Variants in DIPK1C observed in about 807,000 individuals in gnomAD.
DIPK1C encodes the protein familial non-conventional Alzheimer's dementia.
In DIPK1C, 33 loss-of-function variants were observed where a neutral mutation model predicts 28.0. The observed-to-expected ratio is 1.18, with a 90% CI of 0.89 to 1.58. DIPK1C has a LOEUF of 1.58. DIPK1C is among the 40% of genes most tolerant of loss of function. The probability of loss-of-function intolerance (pLI) is 0.00; values close to 1 mark genes in which losing one functional copy is unlikely to be tolerated. For synonymous variants in DIPK1C, 255 were observed against 248.8 expected (o/e 1.02, Z -0.23); for missense variants, 569 against 568.5 (o/e 1.00, Z -0.01).
rs1321569313 is a variant in DIPK1C at position 74,441,980 on chromosome 18, C to T, written c.1013G>A (p.Gly338Glu). 4 of 1,614,146 alleles carry T rather than the reference C, an allele frequency of 2.5e-6. No individual in the cohort carries two copies. Among genetic ancestry groups the T allele is most frequent in the Non-Finnish European group, 1.7e-6 (2 of 1,180,002 alleles). The part of the protein sequence containing the change: ...SRCDLRVNKC[G>E]AQRVNNNLQV... ...CAGGTTGTTGTTTACGCGCTGCGCTCCGCATTTGTTGACTCGTAAATCACA... is the reference window on the plus strand; with the variant it reads ...CAGGTTGTTGTTTACGCGCTGCGCTTCGCATTTGTTGACTCGTAAATCACA... Residue 338 changes from glycine to glutamate, a missense_variant, in exon 3 of 4, where the codon GGA (glycine) becomes GAA (glutamate). Coordinates refer to ENST00000343998, the MANE Select transcript of DIPK1C (RefSeq NM_001044369.3).
At chr18:74,451,100 A>C (rs540668803) in intron 1 of DIPK1C, among the ~76,000 whole-genome samples, 1 of 152,288 alleles carries the variant, frequency 6.6e-6, no homozygotes, top group African/African-American at 2.4e-5. Context: ...GACGCCTCTG[A>C]GCTCAATTTT....
chr18:74,439,681 G>A (rs189536730), intron 3 of DIPK1C, among the ~76,000 whole-genome samples: 3 of 152,230 alleles, frequency 2.0e-5, no homozygotes, highest in African/African-American at 4.8e-5. Flanking sequence ...TTAGCTACAT[G>A]TGGTGGCACA....
chr18:74,457,036 C>T, intron 1 of DIPK1C, 26 bp downstream of exon 1: 1 of 1,406,156 alleles, frequency 7.1e-7, no homozygotes, highest in Non-Finnish European at 9.2e-7. Context: ...ACGCGCGGCG[C>T]GGGGCAGAGC....
Position 74,447,255 on chromosome 18 carries a change from GC to G in DIPK1C, c.226del (p.Ala76ProfsTer74), listed in dbSNP as rs1555698990. The G allele has an allele frequency of 6.5e-7, 1 of 1,543,514 alleles. No individual in the cohort carries two copies. The highest frequency in any genetic ancestry group is 8.7e-7 in the Non-Finnish European group (1 of 1,142,958). ...ACACAGGTCCTCGCAGAGGTCCCCG[GC>G]CAGCGTGCCGCCCTGGTAGTCCTGG... ...LCQDYQGGTL[A>X]GDLCEDLCVA... On this transcript the variant is annotated frameshift_variant, in exon 2 of 4. Transcript: ENST00000343998. LOFTEE classifies it high-confidence loss of function. The surrounding 1 kb of genome is among the most constrained non-coding windows in gnomAD (Gnocchi z 4.1).
intron 1 of DIPK1C, among the ~76,000 whole-genome samples, 152 bp downstream of exon 1, chr18:74,456,910 T>C (rs1986526420): frequency 6.6e-6 from 1 of 151,954 alleles, no homozygotes; most frequent in African/African-American, 2.4e-5. Flanking sequence ...GACCGGGGCG[T>C]GCGCCTCTGG....
intron 2 of DIPK1C, among the ~76,000 whole-genome samples, chr18:74,444,209 G>A (rs1004261094): frequency 7.2e-5 from 11 of 152,168 alleles, no homozygotes; most frequent in Non-Finnish European, 8.8e-5. Flanking sequence ...ACCAAAAACT[G>A]TGGCCCTGGA....
intron 3 of DIPK1C, among the ~76,000 whole-genome samples, chr18:74,438,066 A>G (rs1986038231): frequency 6.6e-6 from 1 of 152,222 alleles, no homozygotes; most frequent in South Asian, 2.1e-4. Flanking sequence ...TAGTTTTTGT[A>G]TATTTTGTAG....
chr18:74,447,076 C>T lies in DIPK1C; in HGVS notation c.406G>A (p.Gly136Arg), dbSNP rs1376807589. The T allele has an allele frequency of 4.5e-6, 7 of 1,550,332 alleles. No homozygotes were observed. The highest frequency in any genetic ancestry group is 5.2e-6 in the Non-Finnish European group (6 of 1,146,944). Reference protein sequence around the residue: ...PPLSLLEEEAGEGGQDMPEAE... With the variant: ...PPLSLLEEEAREGGQDMPEAE... ...TCGGGCATGTCCTGGCCACCCTCCCCTGCCTCCTCTTCCAACAGGCTGAGG... is the reference window on the plus strand; with the variant it reads ...TCGGGCATGTCCTGGCCACCCTCCCTTGCCTCCTCTTCCAACAGGCTGAGG... Residue 136 changes from glycine to arginine, a missense_variant, in exon 2 of 4, where the codon GGG becomes AGG. Physicochemically the swap from Gly to Arg is moderately radical, Grantham distance 125. Transcript: ENST00000343998. The surrounding 1 kb of genome is among the most constrained non-coding windows in gnomAD (Gnocchi z 4.1).
intron 1 of DIPK1C, among the ~76,000 whole-genome samples, chr18:74,450,782 G>T (rs757788238): frequency 1.3e-5 from 2 of 152,256 alleles, no homozygotes; most frequent in African/African-American, 2.4e-5. Context: ...CCAGGTTCCG[G>T]AGTTCACGGA....
chr18:74,458,254 C>T (rs1055016410), upstream of DIPK1C, among the ~76,000 whole-genome samples: 4 of 152,164 alleles, frequency 2.6e-5, no homozygotes, highest in Admixed American at 2.6e-4. Flanking sequence ...CTGTGAAAGC[C>T]GCCACGCCCG....
At chr18:74,454,270 G>T (rs1438149877) in intron 1 of DIPK1C, among the ~76,000 whole-genome samples, 1 of 152,216 alleles carries the variant, frequency 6.6e-6, no homozygotes, top group Non-Finnish European at 1.5e-5. Context: ...TGTCAGGGGG[G>T]TGTGGTTGGC....
At chr18:74,448,041 G>T (rs1271200552) in intron 1 of DIPK1C, among the ~76,000 whole-genome samples, 1 of 152,110 alleles carries the variant, frequency 6.6e-6, no homozygotes, top group Non-Finnish European at 1.5e-5. Context: ...AACCTCAGGA[G>T]GCCTTAAGAT....
Position 74,446,806 on chromosome 18 carries a change from C to G in DIPK1C, c.676G>C (p.Ala226Pro). The G allele has an allele frequency of 6.7e-7, 1 of 1,488,238 alleles. No homozygotes were observed. 92.2% of individuals were successfully genotyped at this position (1,488,238 alleles called of 1,614,324 possible). The change falls in exon 2 of 4, where the codon GCC (alanine) becomes CCC (proline). Residue 226 changes from alanine (A) to proline (P), a missense_variant. Transcript: ENST00000343998. ...CGHFYAVEFLAAGSPHHRALF... is the reference protein window; with the variant it reads ...CGHFYAVEFLPAGSPHHRALF... ...GCCCTGTGGTGGGGGCTGCCCGCGG[C>G]CAGGAACTCCACCGCGTAGAAGTGG...
the DIPK1C span, among the ~76,000 whole-genome samples, chr18:74,464,085 C>T: frequency 6.6e-6 from 1 of 152,198 alleles, no homozygotes; most frequent in Non-Finnish European, 1.5e-5. Flanking sequence ...TCCCTCACCC[C>T]CTTTAATCTC....
chr18:74,460,677 G>A (rs1160071175), upstream of DIPK1C, among the ~76,000 whole-genome samples: 6 of 152,212 alleles, frequency 3.9e-5, no homozygotes, highest in South Asian at 6.2e-4. Flanking sequence ...ATACAGCCTC[G>A]GCCATACTGA....
rs1986532587 is a variant in DIPK1C, at chr18:74,457,119, C to T, written c.141G>A (p.Pro47=). The T allele has an allele frequency of 4.1e-6, 6 of 1,463,008 alleles. No homozygotes were observed. Among genetic ancestry groups the T allele is most frequent in the Middle Eastern group, 2.4e-4 (1 of 4,224 alleles). 90.6% of individuals were successfully genotyped at this position (1,463,008 alleles called of 1,614,324 possible). The change falls in exon 1 of 4, where the codon CCG becomes CCA. Residue 47 remains proline, a synonymous_variant. Transcript: ENST00000343998. ...LAAALLLRAH[P]GVLSERCTDE... ...CGGTGCAGCGCTCGGAGAGGACACC[C>T]GGGTGCGCGCGGAGCAGCAGCGCGG...
intron 2 of DIPK1C, 39 bp downstream of exon 2, chr18:74,446,567 C>A: frequency 7.2e-7 from 1 of 1,398,430 alleles, no homozygotes; most frequent in Non-Finnish European, 9.3e-7. Flanking sequence ...CCGAGAGCTC[C>A]GTTCTCTGCA....
At chr18:74,458,466 C>A (rs140974354), upstream of DIPK1C, among the ~76,000 whole-genome samples, 458 of 152,122 alleles carry the variant, frequency 3.0e-3, 4 homozygotes, top group African/African-American at 0.01. Flanking sequence ...TTCTGCAACT[C>A]GCTGCTTTAA....
At chr18:74,439,387 G>A (rs1393731158) in intron 3 of DIPK1C, among the ~76,000 whole-genome samples, 2 of 152,084 alleles carry the variant, frequency 1.3e-5, no homozygotes, top group Non-Finnish European at 2.9e-5. Flanking sequence ...TCCCTGCCTT[G>A]GTCTACAAGG....
Sources: allele counts gnomAD v4.1 joint callset (sites outside exome capture counted in the v4.1 genomes callset), GRCh38; gene constraint gnomAD v4.1.1; non-coding constraint Gnocchi (gnomAD v3.1); transcripts MANE v1.5; gene names NCBI Gene and HGNC (gene_info 2026-07-23, HGNC 2026-07-21).